The following OSBPL10 variants were observed in gnomAD, a reference collection of about 807,000 sequenced individuals.
The protein encoded by OSBPL10 is oxysterol binding protein like 10.
A neutral mutation model predicts 81.7 loss-of-function variants in OSBPL10; 49 were observed. That is an observed-to-expected ratio of 0.60 (90% CI 0.48 to 0.76). The LOEUF (loss-of-function observed/expected upper bound fraction) is 0.76. Among genes scored for constraint, OSBPL10 ranks in the 30% least tolerant of loss-of-function variants. OSBPL10 has a pLI of 0.00. For synonymous variants in OSBPL10, 419 were observed against 383.6 expected (o/e 1.09, Z -1.08); for missense variants, 923 against 987.8 (o/e 0.93, Z 0.88).
At chr3:31,999,895 G>C (rs1350683390) in intron 2 of OSBPL10, among the ~76,000 whole-genome samples, 1 of 152,056 alleles carries the variant, frequency 6.6e-6, no homozygotes, top group Non-Finnish European at 1.5e-5. Flanking sequence ...ACCTTAAAAA[G>C]GTCATTCGAT....
At chr3:31,957,642 T>G (rs999895934) in intron 1 of OSBPL10, among the ~76,000 whole-genome samples, 3 of 152,096 alleles carry the variant, frequency 2.0e-5, no homozygotes, top group African/African-American at 4.8e-5. Context: ...TGTTTGTTTG[T>G]TTTGGTTTGT....
intron 2 of OSBPL10, among the ~76,000 whole-genome samples, chr3:31,993,460 G>T (rs1016392476): frequency 6.6e-6 from 1 of 151,848 alleles, no homozygotes; most frequent in South Asian, 2.1e-4. Context: ...CACCCGCCTC[G>T]GCCTCCCAAA....
At chr3:31,918,270 G>C (rs1696812279) in intron 1 of OSBPL10, among the ~76,000 whole-genome samples, 1 of 151,426 alleles carries the variant, frequency 6.6e-6, no homozygotes, top group African/African-American at 2.4e-5. Context: ...AGCAAGACAA[G>C]TCCCTGAAAG....
chr3:31,663,267 T>G (rs1290519131), intron 11 of OSBPL10: 1 of 984,792 alleles, frequency 1.0e-6, no homozygotes, highest in African/African-American at 1.7e-5. Flanking sequence ...TCATAAAAAT[T>G]TAGATTTCTG....
At chr3:31,958,860 G>T (rs562899144) in intron 1 of OSBPL10, among the ~76,000 whole-genome samples, 5 of 152,272 alleles carry the variant, frequency 3.3e-5, no homozygotes, top group Non-Finnish European at 4.4e-5. Flanking sequence ...CTTTTATGCT[G>T]CCATGGCAGA....
chr3:31,969,043 C>G (rs754019791), intron 1 of OSBPL10, among the ~76,000 whole-genome samples: 1 of 152,170 alleles, frequency 6.6e-6, no homozygotes, highest in Non-Finnish European at 1.5e-5. Flanking sequence ...GCAGTACACA[C>G]ACAAAAAAGT....
chr3:31,764,481 A>T (rs2125729924), intron 4 of OSBPL10, among the ~76,000 whole-genome samples: 1 of 152,330 alleles, frequency 6.6e-6, no homozygotes. Context: ...GAGGCAAAAC[A>T]GGGGAAGAAG....
chr3:31,804,686 C>T (rs1699479791), intron 4 of OSBPL10, among the ~76,000 whole-genome samples: 2 of 152,192 alleles, frequency 1.3e-5, no homozygotes, highest in South Asian at 4.1e-4. Flanking sequence ...ACCAAACGCG[C>T]TTCATGAGGA....
At chr3:31,895,121 A>G (rs1169984457) in intron 1 of OSBPL10, among the ~76,000 whole-genome samples, 1 of 145,482 alleles carries the variant, frequency 6.9e-6, no homozygotes, top group Non-Finnish European at 1.5e-5. Context: ...TGCATATTAG[A>G]ATTCTCTGCG....
chr3:32,002,752 G>A (rs928879571), intron 2 of OSBPL10, among the ~76,000 whole-genome samples: 4 of 152,172 alleles, frequency 2.6e-5, no homozygotes, highest in Non-Finnish European at 5.9e-5. Flanking sequence ...TCCAAGAAGG[G>A]GGTTGTTGTG....
rs750908652 is a variant in OSBPL10, at chr3:31,747,907, T to A, written c.940+3A>T. 104 of 1,612,934 alleles carry A rather than the reference T, an allele frequency of 6.4e-5. No individual in the cohort carries two copies. Among genetic ancestry groups the A allele is most frequent in the Non-Finnish European group, 8.3e-5 (98 of 1,179,990 alleles). The stretch of plus-strand genomic sequence containing the variant: ...AACATGGACAAGCCCCCGGGGGTCT[T>A]ACCCGAGGCTCCTGGCTTCTGGCTG... On this transcript the variant is annotated splice_donor_region_variant and intron_variant, in intron 5 of 11. Coordinates refer to ENST00000396556, the MANE Select transcript of OSBPL10 (RefSeq NM_017784.5).
intron 4 of OSBPL10, among the ~76,000 whole-genome samples, chr3:31,817,851 T>C (rs1699882539): frequency 6.6e-6 from 1 of 152,202 alleles, no homozygotes; most frequent in Non-Finnish European, 1.5e-5. Context: ...ATGCCTGTAA[T>C]CCCAACACTT....
chr3:31,683,809 G>C lies in OSBPL10; in HGVS notation c.1551C>G (p.Ala517=). The C allele has an allele frequency of 6.2e-7, 1 of 1,614,174 alleles. No individual in the cohort carries two copies. The highest frequency in any genetic ancestry group is 8.5e-7 in the Non-Finnish European group (1 of 1,180,036). The change falls in exon 8 of 12, where the codon GCC becomes GCG. Residue 517 remains alanine, a synonymous_variant. Coordinates refer to ENST00000396556, the MANE Select transcript of OSBPL10 (RefSeq NM_017784.5). ...GTTTGTAGCTTTTGGAAGGGTCATC[G>C]GCCATTGGGTGTTCGTGACAGCTGG... ...SPASCHEHPM[A]DDPSKSYKLR...
chr3:31,855,929 A>T (rs570428494), intron 3 of OSBPL10, among the ~76,000 whole-genome samples: 10 of 152,310 alleles, frequency 6.6e-5, no homozygotes, highest in African/African-American at 2.2e-4. Flanking sequence ...CAAGTATTGT[A>T]GAAAAAAGCC....
chr3:31,706,590 C>G (rs1002285953), intron 6 of OSBPL10, among the ~76,000 whole-genome samples: 5 of 152,190 alleles, frequency 3.3e-5, no homozygotes, highest in Non-Finnish European at 5.9e-5. Flanking sequence ...AGGCCAAAGC[C>G]AGGAGGCAAA....
intron 8 of OSBPL10, among the ~76,000 whole-genome samples, chr3:31,676,482 T>G (rs1700479809): frequency 6.6e-6 from 1 of 152,130 alleles, no homozygotes; most frequent in South Asian, 2.1e-4. Flanking sequence ...ACAAATTGAT[T>G]CGCCAATAAA....
chr3:32,050,993 A>T (rs1398707474), intron 1 of OSBPL10, among the ~76,000 whole-genome samples: 1 of 152,212 alleles, frequency 6.6e-6, no homozygotes, highest in Non-Finnish European at 1.5e-5. Context: ...TCACTGGCTA[A>T]AAGTCAGCTT....
chr3:32,036,147 A>C (rs1342461300), intron 2 of OSBPL10, among the ~76,000 whole-genome samples: 1 of 152,204 alleles, frequency 6.6e-6, no homozygotes, highest in East Asian at 1.9e-4. Flanking sequence ...TCCTGGGCTC[A>C]AGCAATCCTC....
chr3:31,788,675 G>A (rs995587293), intron 4 of OSBPL10, among the ~76,000 whole-genome samples: 1 of 152,134 alleles, frequency 6.6e-6, no homozygotes, highest in African/African-American at 2.4e-5. Flanking sequence ...CTACTTAGGA[G>A]GCCGATGCAG....
Sources: allele counts gnomAD v4.1 joint callset (sites outside exome capture counted in the v4.1 genomes callset), GRCh38; gene constraint gnomAD v4.1.1; transcripts MANE v1.5; gene names NCBI Gene and HGNC (gene_info 2026-07-23, HGNC 2026-07-21).